The following CACNA1F variants were observed in gnomAD, a reference collection of about 807,000 sequenced individuals.
The protein encoded by CACNA1F is calcium voltage-gated channel subunit alpha1 F.
Under a neutral mutation model 143.8 loss-of-function variants are expected in CACNA1F, and 59 were observed. That is an observed-to-expected ratio of 0.41 (90% CI 0.33 to 0.51). CACNA1F has a LOEUF of 0.51. Among genes scored for constraint, CACNA1F ranks in the 20% least tolerant of loss-of-function variants. The pLI is 0.22. For synonymous variants in CACNA1F, 643 were observed against 649.1 expected, an observed-to-expected ratio of 0.99 and a Z score of 0.14; for missense variants, 1,411 against 1,647.5, an observed-to-expected ratio of 0.86 and a Z score of 2.48.
chrX:49,216,284 C>T, intron 27 of CACNA1F, 98 bp downstream of exon 27: 1 of 931,235 alleles, frequency 1.1e-6, no homozygotes, highest in African/African-American at 1.9e-5. Context: ...TTCGTCACAT[C>T]CCCAAGGTAC....
In CACNA1F at chrX:49,211,128, G is replaced by A. The variant is rs781916739; in HGVS notation, c.4261-36C>T. 318 of 1,196,972 alleles carry A rather than the reference G, an allele frequency of 2.7e-4. 1 individual carries two copies. Among genetic ancestry groups the A allele is most frequent in the Non-Finnish European group, 3.2e-4 (286 of 884,334 alleles). On this transcript the variant is annotated intron_variant, in intron 36 of 47. Transcript: ENST00000323022. ...GTGAGCAAGGGAGCAGTTAGGTGAAGGGCAGAACACTGTCATGGACGGATG... is the reference window on the plus strand; with the variant it reads ...GTGAGCAAGGGAGCAGTTAGGTGAAAGGCAGAACACTGTCATGGACGGATG...
At position 49,225,893 on chromosome X, in the gene CACNA1F, C is replaced by A. The variant is rs1557109708; in HGVS notation, c.1651+16G>T. On this transcript the variant is annotated intron_variant, in intron 13 of 47. Transcript: ENST00000323022. ...ATAGGAGGCTGGGGGAGACGACTAG[C>A]AGGCTGGGGGTGTACCCTGGATCTG... is the stretch of plus-strand genomic sequence containing the variant. 8.6e-7 allele frequency: 1 copy of A among 1,164,814 alleles called. No homozygotes were observed. Among genetic ancestry groups the A allele is most frequent in the South Asian group, 1.9e-5 (1 of 52,577 alleles).
At chrX:49,222,448 G>A in intron 17 of CACNA1F, 74 bp downstream of exon 17, 1 of 826,723 alleles carries the variant, frequency 1.2e-6, no homozygotes, top group South Asian at 2.1e-5. Context: ...CATCTCTGGT[G>A]GTGGGGGTGT....
In CACNA1F at chrX:49,211,361, G is replaced by A. The variant is rs782587439; in HGVS notation, c.4221C>T (p.Ile1407=). 90 of 1,209,125 alleles carry A rather than the reference G, an allele frequency of 7.4e-5. No homozygotes were observed. The highest frequency in any genetic ancestry group is 8.7e-5 in the Non-Finnish European group (78 of 894,551). ...EEFTCGSNFA[I]AYFISFFMLC... ...GCATGAAGAAGCTGATGAAATAGGC[G>A]ATGGCAAAATTGCTACCACAGGTAA... The change falls in exon 36 of 48, where the codon ATC becomes ATT. Residue 1407 remains isoleucine (I), a synonymous_variant. Transcript: ENST00000323022.
chrX:49,214,619 G>A (rs1355179335), intron 29 of CACNA1F, among the ~76,000 whole-genome samples: 1 of 112,161 alleles, frequency 8.9e-6, no homozygotes, highest in Non-Finnish European at 1.9e-5. Context: ...GATGCCTGGA[G>A]CTGTGATCAT....
At position 49,228,366 on chromosome X, in the gene CACNA1F, C is replaced by A. The variant is rs1413292955; in HGVS notation, c.899G>T (p.Arg300Leu). The part of the protein sequence containing the change: ...RACTLNQTEC[R>L]GRWPGPNGGI... ...TCCATTGGGCCCTGGCCAGCGCCCGCGGCACTCAGTCTGGTTCAGCGTGCA... is the reference window on the plus strand; with the variant it reads ...TCCATTGGGCCCTGGCCAGCGCCCGAGGCACTCAGTCTGGTTCAGCGTGCA... Residue 300 changes from arginine to leucine, a missense_variant, in exon 7 of 48, where the codon CGC becomes CTC. Physicochemically the swap from Arg to Leu is moderately radical, Grantham distance 102. This residue lies in a region of CACNA1F where 950 missense variants were observed against 1,128.1 expected (regional missense o/e 0.84). Coordinates refer to ENST00000323022, the MANE Select transcript of CACNA1F (RefSeq NM_001256789.3). The A allele has an allele frequency of 8.3e-7, 1 of 1,208,834 alleles. No homozygotes were observed. The highest frequency in any genetic ancestry group is 1.7e-5 in the African/African-American group (1 of 57,522).
intron 43 of CACNA1F, among the ~76,000 whole-genome samples, chrX:49,207,810 G>A (rs2065613660): frequency 9.1e-6 from 1 of 110,242 alleles, no homozygotes; most frequent in African/African-American, 3.3e-5. Flanking sequence ...TGTTTGACAT[G>A]CATTACCTCA....
intron 34 of CACNA1F, 23 bp from the exon 35 acceptor site, chrX:49,212,012 T>TCCA: frequency 8.6e-7 from 1 of 1,157,816 alleles, no homozygotes; most frequent in Non-Finnish European, 1.2e-6. Context: ...CAAGGCTGTG[T>TCCA]CAGTGGGGTG....
Position 49,216,472 on chromosome X carries a change from C to T in CACNA1F, c.3146G>A (p.Arg1049Gln), listed in dbSNP as rs5906755. Reference protein sequence around the residue: ...GDVSRPLVRERLWVNSDFNFD... With the variant: ...GDVSRPLVREQLWVNSDFNFD... ...GTTGAAATCACTGTTGACCCAGAGC[C>T]GCTCCCGGACCAGGGGCCGTGACAC... The change falls in exon 27 of 48, where the codon CGG (arginine) becomes CAG (glutamine). Residue 1049 changes from arginine to glutamine, a missense_variant. Arg to Gln is a conservative substitution (Grantham distance 43). Transcript: ENST00000323022. 5 of 1,206,676 alleles carry T rather than the reference C, an allele frequency of 4.1e-6. No individual in the cohort carries two copies. The highest frequency in any genetic ancestry group is 5.6e-6 in the Non-Finnish European group (5 of 892,370).
Position 49,205,301 on chromosome X carries a change from C to T in CACNA1F, c.5737G>A (p.Glu1913Lys). 2 of 1,210,308 alleles carry T rather than the reference C, an allele frequency of 1.7e-6. No homozygotes were observed. The highest frequency in any genetic ancestry group is 1.8e-5 in the South Asian group (1 of 56,764). The change falls in exon 48 of 48, where the codon GAG becomes AAG. Residue 1913 changes from glutamate to lysine, a missense_variant. Transcript: ENST00000323022. The part of the protein sequence containing the change: ...DPRFVALAKQ[E>K]IADACRLTLD... ...GTCAGGCGACACGCATCTGCAATCT[C>T]CTGCTTGGCCAGGGCCACGAAACGT... is the stretch of plus-strand genomic sequence containing the variant.
At position 49,209,646 on chromosome X, in the gene CACNA1F, T is replaced by C; in HGVS notation, c.4804A>G (p.Thr1602Ala). ...CCGAAGACCTGAAGGGCGGAAGAGG[T>C]GCTAGGGGCGGCGTCGTTGCCTAGT... ...GLLGNDAAPS[T>A]SSALQAGLRS... is the part of the protein sequence containing the mutation. Residue 1602 changes from threonine (T) to alanine (A), a missense_variant, in exon 41 of 48, where the codon ACC (threonine) becomes GCC (alanine). Transcript: ENST00000323022. 1 of 1,210,708 alleles carries C rather than the reference T, an allele frequency of 8.3e-7. No homozygotes were observed. Among genetic ancestry groups the C allele is most frequent in the Non-Finnish European group, 1.1e-6 (1 of 894,911 alleles).
Position 49,230,531 on chromosome X carries a change from G to A in CACNA1F, c.600C>T (p.Phe200=). 8.3e-7 allele frequency: 1 copy of A among 1,199,283 alleles called. No homozygotes were observed. The highest frequency in any genetic ancestry group is 1.1e-6 in the Non-Finnish European group (1 of 889,419). The change falls in exon 5 of 48, where the codon TTC becomes TTT. Residue 200 remains phenylalanine, a synonymous_variant. Coordinates refer to ENST00000323022, the MANE Select transcript of CACNA1F (RefSeq NM_001256789.3). The part of the protein sequence containing the change: ...APHTGGKPGG[F]DVKALRAFRV... Reference sequence around the variant, plus strand: ...GAAACGCCCTCAATGCCTTCACATCGAAGCCTCCTGGCTTTCCCCCGGTGT... The same window carrying A: ...GAAACGCCCTCAATGCCTTCACATCAAAGCCTCCTGGCTTTCCCCCGGTGT...
intron 42 of CACNA1F, 176 bp from the exon 43 acceptor site, chrX:49,208,860 C>T: frequency 6.2e-6 from 3 of 484,858 alleles, no homozygotes; most frequent in African/African-American, 2.3e-5. Flanking sequence ...AGGGTCTTGT[C>T]CTGTCACCAG....
intron 27 of CACNA1F, among the ~76,000 whole-genome samples, chrX:49,216,142 C>T (rs943633261): frequency 1.8e-5 from 2 of 110,855 alleles, no homozygotes; most frequent in East Asian, 2.8e-4. Flanking sequence ...CCTTAGAAAC[C>T]GCTGTCCAAT....
In CACNA1F at chrX:49,214,331, A is replaced by G. The variant is rs1946460190; in HGVS notation, c.3598-62T>C. 1.3e-5 allele frequency: 9 copies of G among 691,669 alleles called. No individual in the cohort carries two copies. In the Admixed American group the frequency reaches 2.0e-4, roughly 15 times the overall value. 57.0% of individuals were successfully genotyped at this position (691,669 alleles called of 1,213,427 possible). A position where few individuals can be genotyped will look rare whatever the true frequency, so the allele number is the denominator to read the frequency against. On this transcript the variant is annotated intron_variant, in intron 29 of 47. Coordinates refer to ENST00000323022, the MANE Select transcript of CACNA1F (RefSeq NM_001256789.3). The stretch of plus-strand genomic sequence containing the variant: ...CAGAGATGCCGCCACACCCAACCAA[A>G]TATTCCCTGGCCTGGGCTGAGACGA...
chrX:49,219,765 TTCC>T lies in CACNA1F; in HGVS notation c.2409_2411del (p.Glu814del), dbSNP rs112450928. 1.2e-3 allele frequency: 1,278 copies of T among 1,085,275 alleles called. No homozygotes were observed. The highest frequency in any genetic ancestry group is 1.4e-3 in the Non-Finnish European group (1,127 of 805,198). The allele number at this position is 1,085,275 out of a possible 1,213,427, so 89.4% of individuals were successfully genotyped here. ...CCTCTTCTTCCTCTTCTTCCTCTTC[TTCC>T]TCCTCCTCCTCCTCCTCCATGTCTG... is the stretch of plus-strand genomic sequence containing the variant. On this transcript the variant is annotated inframe_deletion, in exon 20 of 48. Transcript: ENST00000323022.
chrX:49,205,126 G>A lies in CACNA1F; in HGVS notation c.*11C>T, dbSNP rs1569527226. Reference sequence around the variant, plus strand: ...AGGAGGTTTATTGAGCAGTTGGGGAGGGGTGGGAATTCAGAGGGCGTGGAC... The same window carrying A: ...AGGAGGTTTATTGAGCAGTTGGGGAAGGGTGGGAATTCAGAGGGCGTGGAC... On this transcript the variant is annotated 3_prime_UTR_variant, in exon 48 of 48. Transcript: ENST00000323022. The A allele has an allele frequency of 8.5e-7, 1 of 1,171,164 alleles. No homozygotes were observed. The highest frequency in any genetic ancestry group is 3.0e-5 in the East Asian group (1 of 33,598).
chrX:49,208,435 T>A, intron 43 of CACNA1F, 80 bp downstream of exon 43: 2 of 253,895 alleles, frequency 7.9e-6, no homozygotes, highest in Non-Finnish European at 7.5e-6. Flanking sequence ...CCCCCTCAAC[T>A]TCCTGCCTCC....
At chrX:49,215,597 C>A (rs924768098) in intron 27 of CACNA1F, 54 bp from the exon 28 acceptor site, 139 of 774,846 alleles carry the variant, frequency 1.8e-4, no homozygotes, top group Non-Finnish European at 2.4e-4. Flanking sequence ...GATATCCCAG[C>A]CCCCTCAGAC....
Sources: gnomAD v4.1 joint callset for allele counts (sites outside exome capture counted in the v4.1 genomes callset) on GRCh38, gnomAD v4.1.1 for gene constraint, gnomAD v4.1.1 regional missense constraint, MANE v1.5 for transcripts, NCBI Gene and HGNC (gene_info 2026-07-23, HGNC 2026-07-21) for gene names.